Variants in DST observed in about 807,000 individuals in gnomAD.
DST encodes the protein dystonin, also known as bullous pemphigoid antigen.
A neutral mutation model predicts 875.2 loss-of-function variants in DST; 253 were observed. The ratio of observed to expected loss-of-function variants is 0.29; its 90% confidence interval spans 0.26 to 0.32. The LOEUF (loss-of-function observed/expected upper bound fraction) is 0.32, where lower values mean the gene tolerates loss of function less well. Ranked by LOEUF, DST falls within the 10% of genes least tolerant of loss-of-function variation. The probability of loss-of-function intolerance (pLI) is 1.00; values close to 1 mark genes in which losing one functional copy is unlikely to be tolerated. For missense variants in DST, 8,287 were observed against 9,111.6 expected (o/e 0.91, Z 3.68); for synonymous variants, 3,124 against 3,197.1 (o/e 0.98, Z 0.77).
Position 56,607,891 on chromosome 6 carries a change from G to T in DST, c.6737C>A (p.Ala2246Asp). 1 of 1,613,578 alleles carries T rather than the reference G, an allele frequency of 6.2e-7. No homozygotes were observed. ...TAAGACATCGAGACATTCTTTTATG[G>T]CTGTGTTTCCATCAAATTCTGCATG... Reference protein sequence around the residue: ...GCHAEFDGNTAIKECLDVLSS... With the variant: ...GCHAEFDGNTDIKECLDVLSS... Residue 2246 changes from alanine to aspartate, a missense_variant, in exon 40 of 104, where the codon GCC (alanine) becomes GAC (aspartate). By Grantham distance (126) the Ala-to-Asp change is moderately radical. This residue lies in a region of DST where 3,138 missense variants were observed against 3,116.6 expected (regional missense o/e 1.01). Transcript: ENST00000680361.
At chr6:56,695,226 G>T (rs1005137937) in intron 9 of DST, among the ~76,000 whole-genome samples, 1 of 150,218 alleles carries the variant, frequency 6.7e-6, no homozygotes, top group African/African-American at 2.5e-5. Context: ...TGACAATCCT[G>T]CTTCCCCTTT....
At chr6:56,507,164 T>A (rs1214577820) in intron 75 of DST, among the ~76,000 whole-genome samples, 1 of 152,142 alleles carries the variant, frequency 6.6e-6, no homozygotes, top group Non-Finnish European at 1.5e-5. Context: ...CAATACAAAT[T>A]AATATATTTG....
Position 56,523,993 on chromosome 6 carries a change from C to T in DST, c.18129+2368G>A, listed in dbSNP as rs529463721. ...GTTTAAACAATGCAAAACAGATAGT[C>T]CAAAATACGTGGCTAATGTCCAGGT... On this transcript the variant is annotated intron_variant, in intron 69 of 103. Coordinates refer to ENST00000680361, the MANE Select transcript of DST (RefSeq NM_001374736.1). 2.0e-4 allele frequency among the ~76,000 whole-genome samples: 30 copies of T among 152,080 alleles called. No individual in the cohort carries two copies. The South Asian group carries it at 6.2e-3, about 32-fold the overall frequency.
In DST at chr6:56,641,896, T is replaced by C. The variant is rs779453546; in HGVS notation, c.2027+51A>G. The stretch of plus-strand genomic sequence containing the variant: ...TCTACATTCCTATTTCAAATGCCCA[T>C]GAAACAGTTACACAAAAAAAGGACA... On this transcript the variant is annotated intron_variant, in intron 17 of 103. Transcript: ENST00000680361. The C allele has an allele frequency of 1.2e-5, 17 of 1,446,400 alleles. No individual in the cohort carries two copies. The East Asian group carries it at 3.7e-4, about 31-fold the overall frequency. The allele number at this position is 1,446,400 out of a possible 1,614,324, so 89.6% of individuals were successfully genotyped here.
chr6:56,920,648 G>A (rs1803605944), intron 2 of DST, among the ~76,000 whole-genome samples: 1 of 151,570 alleles, frequency 6.6e-6, no homozygotes, highest in African/African-American at 2.4e-5. Flanking sequence ...TTTATAGAAA[G>A]ACAAGAGTTC....
Position 56,620,706 on chromosome 6 carries a change from A to G in DST, c.4929+3824T>C, listed in dbSNP as rs1270207144. The G allele has an allele frequency of 1.3e-5, 21 of 1,613,532 alleles. No homozygotes were observed. Among genetic ancestry groups the G allele is most frequent in the Non-Finnish European group, 1.8e-5 (21 of 1,179,708 alleles). On this transcript the variant is annotated intron_variant, in intron 36 of 103. Coordinates refer to ENST00000680361, the MANE Select transcript of DST (RefSeq NM_001374736.1). ...GCCCCATGTTCAGAAGTCTCCTTAC[A>G]CCTTTTAATCTACAAAAGACATTTT...
At chr6:56,467,864 C>T (rs1005713530) in intron 98 of DST, among the ~76,000 whole-genome samples, 21 of 152,052 alleles carry the variant, frequency 1.4e-4, no homozygotes, top group Non-Finnish European at 2.6e-4. Context: ...GTGAGTAAAA[C>T]CTTTTGAGGT....
chr6:56,538,113 G>C (rs1030886050), intron 61 of DST, among the ~76,000 whole-genome samples: 23 of 152,156 alleles, frequency 1.5e-4, no homozygotes, highest in African/African-American at 5.5e-4. Flanking sequence ...CTCCCCAGTA[G>C]CTGGGACCAC....
Position 56,463,571 on chromosome 6 carries a change from T to C in DST, c.22953A>G (p.Thr7651=). 6.3e-7 allele frequency: 1 copy of C among 1,584,380 alleles called. No homozygotes were observed. The highest frequency in any genetic ancestry group is 8.6e-7 in the Non-Finnish European group (1 of 1,164,108). The part of the protein sequence containing the change: ...AASPQVPATT[T]PKILHPLTRN... ...TCTTCATCCTGAGTCTTACCTTGGG[T>C]GTGGTGGTGGCAGGGACCTGTGGGG... is the stretch of plus-strand genomic sequence containing the variant. Residue 7651 remains threonine (T), a synonymous_variant, in exon 101 of 104, where the codon ACA becomes ACG. Coordinates refer to ENST00000680361, the MANE Select transcript of DST (RefSeq NM_001374736.1).
intron 4 of DST, among the ~76,000 whole-genome samples, chr6:56,833,723 T>C (rs973055648): frequency 2.6e-5 from 4 of 152,018 alleles, no homozygotes; most frequent in African/African-American, 9.7e-5. Flanking sequence ...AACAAAATAG[T>C]ACTTAAGAAT....
intron 2 of DST, among the ~76,000 whole-genome samples, chr6:56,929,361 A>G (rs1044654648): frequency 2.6e-5 from 4 of 152,190 alleles, no homozygotes; most frequent in Non-Finnish European, 5.9e-5. Context: ...CATGCGTTCA[A>G]TAGAATACTA....
At chr6:56,617,224 T>C in intron 36 of DST, 1 of 1,601,248 alleles carries the variant, frequency 6.2e-7, no homozygotes, top group Non-Finnish European at 8.5e-7. Context: ...CATCCCTGAC[T>C]GAACATGCAT....
At position 56,954,779 on chromosome 6, in the gene DST, G is replaced by T. The variant is rs928425854; in HGVS notation, c.-192C>A. 6.7e-6 allele frequency among the ~76,000 whole-genome samples: 1 copy of T among 149,950 alleles called. No individual in the cohort carries two copies. The highest frequency in any genetic ancestry group is 1.5e-5 in the Non-Finnish European group (1 of 67,094). On this transcript the variant is annotated 5_prime_UTR_variant, in exon 1 of 104. Transcript: ENST00000680361. Reference sequence around the variant, plus strand: ...AGCCGCGCTACGCGAGTGATCCAGGGCTGCGGGGAGCGCTTGCCATGACTC... The same window carrying T: ...AGCCGCGCTACGCGAGTGATCCAGGTCTGCGGGGAGCGCTTGCCATGACTC...
chr6:56,461,992 T>G (rs903167310), intron 102 of DST: 1 of 152,236 alleles, frequency 6.6e-6, no homozygotes, highest in Non-Finnish European at 1.5e-5. Context: ...AGGTAACACA[T>G]TTTTTCTCTG....
chr6:56,543,989 T>A (rs2097181597), intron 61 of DST, among the ~76,000 whole-genome samples: 1 of 152,166 alleles, frequency 6.6e-6, no homozygotes, highest in African/African-American at 2.4e-5. Flanking sequence ...TATATGACTA[T>A]CTATAAAGAA....
At chr6:56,890,558 T>G (rs1485747870) in intron 3 of DST, among the ~76,000 whole-genome samples, 1 of 152,190 alleles carries the variant, frequency 6.6e-6, no homozygotes, top group Non-Finnish European at 1.5e-5. Flanking sequence ...TTTAGAAACA[T>G]CTAAAACAAG....
At chr6:56,866,152 C>A (rs1009988632) in intron 3 of DST, among the ~76,000 whole-genome samples, 2 of 151,978 alleles carry the variant, frequency 1.3e-5, no homozygotes, top group African/African-American at 2.4e-5. Flanking sequence ...TGCCACCACA[C>A]CCGGCTAATT....
chr6:56,470,964 A>G (rs2094859733), intron 95 of DST, 142 bp downstream of exon 95: 1 of 853,396 alleles, frequency 1.2e-6, no homozygotes, highest in Admixed American at 3.1e-5. Flanking sequence ...CCAAAAAAAC[A>G]TTTTTTTAAG....
chr6:56,690,318 G>C (rs1287004494), intron 9 of DST, among the ~76,000 whole-genome samples: 1 of 152,066 alleles, frequency 6.6e-6, no homozygotes, highest in Non-Finnish European at 1.5e-5. Context: ...CAATTCCAAA[G>C]CAGTATACAA....
Sources: gnomAD v4.1 joint callset for allele counts (sites outside exome capture counted in the v4.1 genomes callset) on GRCh38, gnomAD v4.1.1 for gene constraint, gnomAD v4.1.1 regional missense constraint, MANE v1.5 for transcripts, NCBI Gene and HGNC (gene_info 2026-07-23, HGNC 2026-07-21) for gene names.